SMUG1: variants seen among roughly 807,000 people sequenced by gnomAD.
SMUG1 encodes single-strand-selective monofunctional uracil-DNA glycosylase 1, also known as single-strand selective monofunctional uracil DNA glycosylase.
Under a neutral mutation model 23.9 loss-of-function variants are expected in SMUG1, and 13 were observed. That is an observed-to-expected ratio of 0.54 (90% CI 0.35 to 0.86). The LOEUF (loss-of-function observed/expected upper bound fraction) is 0.86, where lower values mean the gene tolerates loss of function less well. Among genes scored for constraint, SMUG1 ranks in the 40% least tolerant of loss-of-function variants. SMUG1 has a pLI of 0.01. For synonymous variants in SMUG1, 133 were observed against 139.8 expected (o/e 0.95, Z 0.34); for missense variants, 313 against 339.5 (o/e 0.92, Z 0.61).
At position 54,184,003 on chromosome 12, in the gene SMUG1, A is replaced by G. The variant is rs1453379151; in HGVS notation, c.-19-44T>C. 3 of 1,420,748 alleles carry G rather than the reference A, an allele frequency of 2.1e-6. No homozygotes were observed. In the African/African-American group the frequency reaches 4.3e-5, roughly 20 times the overall value. The allele number at this position is 1,420,748 out of a possible 1,614,324, so 88.0% of individuals were successfully genotyped here. ...AGAAGCCCCATCAACCCTCAGCCAC[A>G]GAGTAGGAGGGATCCATGCTTGCCA... On this transcript the variant is annotated intron_variant, in intron 2 of 3. Transcript: ENST00000682136.
At chr12:54,183,459 G>A in intron 3 of SMUG1, 197 bp downstream of exon 3, 1 of 605,238 alleles carries the variant, frequency 1.7e-6, no homozygotes, top group Non-Finnish European at 2.9e-6. Context: ...TACCATTAAT[G>A]TGCTTGGTTA....
chr12:54,173,832 C>G (rs1258363216), intron 2 of SMUG1, among the ~76,000 whole-genome samples: 1 of 151,358 alleles, frequency 6.6e-6, no homozygotes, highest in Admixed American at 6.6e-5. Context: ...CCAAACAGAG[C>G]CAGAGGACAC....
chr12:54,188,289 AATAATAAATAAT>A (rs1463871432), intron 1 of SMUG1, among the ~76,000 whole-genome samples: 5 of 28,572 alleles, frequency 1.7e-4, no homozygotes, highest in Non-Finnish European at 2.3e-4. Context: ...TAATAATAAT[AATAATAAATAAT>A]AATAATAATA....
chr12:54,174,125 T>C (rs1235236164), intron 2 of SMUG1, among the ~76,000 whole-genome samples: 1 of 152,108 alleles, frequency 6.6e-6, no homozygotes, highest in Non-Finnish European at 1.5e-5. Flanking sequence ...AAAATGATGC[T>C]AACTCAGTGA....
chr12:54,188,303 A>AT (rs1555205675), intron 1 of SMUG1, among the ~76,000 whole-genome samples: 2 of 122,388 alleles, frequency 1.6e-5, no homozygotes, highest in African/African-American at 3.4e-5. Context: ...ATAAATAATA[A>AT]TAATAATAAT....
intron 4 of SMUG1, chr12:54,165,340 C>T (rs905650704): frequency 2.0e-5 from 3 of 152,142 alleles, no homozygotes; most frequent in African/African-American, 7.2e-5. Context: ...CACTTTTACC[C>T]ACATTCCTTC....
chr12:54,174,421 C>T (rs1359665349), intron 2 of SMUG1, among the ~76,000 whole-genome samples: 1 of 152,208 alleles, frequency 6.6e-6, no homozygotes, highest in Non-Finnish European at 1.5e-5. Flanking sequence ...CCAGAAAGAG[C>T]TTCTGAAGAA....
intron 2 of SMUG1, among the ~76,000 whole-genome samples, chr12:54,184,545 G>T (rs760495473): frequency 2.1e-4 from 32 of 152,186 alleles, no homozygotes; most frequent in Non-Finnish European, 4.0e-4. Flanking sequence ...TGTTATAAGT[G>T]AGGACACTGA....
At chr12:54,161,503 C>A (rs1940261754), downstream of SMUG1, among the ~76,000 whole-genome samples, 1 of 152,160 alleles carries the variant, frequency 6.6e-6, no homozygotes, top group African/African-American at 2.4e-5. The surrounding 1 kb of genome is among the most constrained non-coding windows in gnomAD (Gnocchi z 4.2). Context: ...GGATGCTCAA[C>A]AGAGTTTGCC....
At chr12:54,177,334 A>T (rs1235791529), downstream of SMUG1, among the ~76,000 whole-genome samples, 1 of 152,138 alleles carries the variant, frequency 6.6e-6, no homozygotes, top group African/African-American at 2.4e-5. Context: ...GTTAATTCGG[A>T]TTCACTGGCA....
downstream of SMUG1, among the ~76,000 whole-genome samples, chr12:54,179,814 T>C (rs1029263518): frequency 4.6e-5 from 7 of 152,192 alleles, no homozygotes; most frequent in South Asian, 1.4e-3. Flanking sequence ...AGGAAAACTC[T>C]ATACTTATGA....
chr12:54,167,087 G>A (rs577818092), intron 3 of SMUG1, among the ~76,000 whole-genome samples: 1 of 152,252 alleles, frequency 6.6e-6, no homozygotes, highest in Admixed American at 6.5e-5. Context: ...TTGCCTGGAG[G>A]GTGGGGGATT....
chr12:54,161,056 C>T (rs1215675374), downstream of SMUG1, among the ~76,000 whole-genome samples: 1 of 152,138 alleles, frequency 6.6e-6, no homozygotes, highest in Non-Finnish European at 1.5e-5. The surrounding 1 kb of genome is among the most constrained non-coding windows in gnomAD (Gnocchi z 4.2). Flanking sequence ...TGAAAGAGTC[C>T]CACCAGCCTC....
intron 2 of SMUG1, among the ~76,000 whole-genome samples, chr12:54,173,675 G>A (rs377004486): frequency 1.1e-4 from 8 of 70,278 alleles, no homozygotes; most frequent in African/African-American, 4.4e-4. Flanking sequence ...GCCCGCCCCC[G>A]CCCCGCACGC....
rs980390504 is a variant in SMUG1, at chr12:54,183,734, C to T, written c.207G>A (p.Val69=). The T allele has an allele frequency of 6.8e-6, 11 of 1,613,952 alleles. No individual in the cohort carries two copies. The highest frequency in any genetic ancestry group is 6.7e-5 in the Admixed American group (4 of 59,998). ...EYAWEPHRNY[V]TRYCQGPKEV... ...CCTTGGGGCCCTGGCAGTAGCGAGT[C>T]ACGTAGTTGCGATGTGGCTCCCATG... Residue 69 remains valine (V), a synonymous_variant, in exon 3 of 4, where the codon GTG becomes GTA. Coordinates refer to ENST00000682136, the MANE Select transcript of SMUG1 (RefSeq NM_001243787.2).
intron 3 of SMUG1, among the ~76,000 whole-genome samples, chr12:54,165,646 T>C (rs1048235254): frequency 1.3e-5 from 2 of 152,208 alleles, no homozygotes; most frequent in Admixed American, 6.5e-5. Context: ...CACTGTAGCC[T>C]GGGCAACAGA....
At chr12:54,161,860 G>A (rs565573456), downstream of SMUG1, among the ~76,000 whole-genome samples, 5 of 152,300 alleles carry the variant, frequency 3.3e-5, no homozygotes, top group African/African-American at 9.6e-5. The surrounding 1 kb of genome is among the most constrained non-coding windows in gnomAD (Gnocchi z 4.2). Context: ...TCTCCCAGGC[G>A]GAGGCGGCAG....
rs960521556 is a variant in SMUG1, at chr12:54,182,377, T to G, written c.532A>C (p.Thr178Pro). 3.1e-6 allele frequency: 5 copies of G among 1,613,464 alleles called. No homozygotes were observed. Among genetic ancestry groups the G allele is most frequent in the Non-Finnish European group, 2.5e-6 (3 of 1,179,898 alleles). ...TGCTTGGCAGGCAGCTCAGCAGGAG[T>G]AAGGTTGCGCCCGCTGGGAGCCAGG... ...LFLAPSGRNL[T>P]PAELPAKQRE... Residue 178 changes from threonine (T) to proline (P), a missense_variant, in exon 4 of 4, where the codon ACT (threonine) becomes CCT (proline). Physicochemically the swap from Thr to Pro is conservative, Grantham distance 38. Coordinates refer to ENST00000682136, the MANE Select transcript of SMUG1 (RefSeq NM_001243787.2).
Position 54,182,074 on chromosome 12 carries a change from C to A in SMUG1, c.*22G>T. 1 of 1,520,430 alleles carries A rather than the reference C, an allele frequency of 6.6e-7. No homozygotes were observed. The highest frequency in any genetic ancestry group is 1.3e-5 in the South Asian group (1 of 75,602). 94.2% of individuals were successfully genotyped at this position (1,520,430 alleles called of 1,614,324 possible). ...ATGACTTCGAGGTCTTGAATGTGTC[C>A]CATGCAAGGCCCCAAGGGCACTCAT... is the stretch of plus-strand genomic sequence containing the variant. On this transcript the variant is annotated 3_prime_UTR_variant, in exon 4 of 4. Transcript: ENST00000682136.
Sources: gnomAD v4.1 joint callset for allele counts (sites outside exome capture counted in the v4.1 genomes callset) on GRCh38, gnomAD v4.1.1 for gene constraint, Gnocchi (gnomAD v3.1) non-coding constraint, MANE v1.5 for transcripts, NCBI Gene and HGNC (gene_info 2026-07-23, HGNC 2026-07-21) for gene names.